The following DCAF5 variants were observed in gnomAD, a reference collection of about 807,000 sequenced individuals.
The protein encoded by DCAF5 is DDB1- and CUL4-associated factor 5.
Under a neutral mutation model 80.7 loss-of-function variants are expected in DCAF5, and 9 were observed. That is an observed-to-expected ratio of 0.11 (90% CI 0.07 to 0.19). The LOEUF (loss-of-function observed/expected upper bound fraction) is 0.19, where lower values mean the gene tolerates loss of function less well. DCAF5 is among the 10% of genes least tolerant of loss of function. DCAF5 has a pLI of 1.00. For missense variants in DCAF5, 842 were observed against 1,205.7 expected, an observed-to-expected ratio of 0.70 and a Z score of 4.47; for synonymous variants, 433 against 461.9, an observed-to-expected ratio of 0.94 and a Z score of 0.80.
intron 1 of DCAF5, chr14:69,144,001 T>G (rs2041456924): frequency 6.6e-6 from 1 of 152,296 alleles, no homozygotes; most frequent in African/African-American, 2.4e-5. Context: ...ATTTTTCCAC[T>G]AATGCATTGC....
rs1315618100 is a variant in DCAF5 at position 69,063,341 on chromosome 14, C to CT, written c.947-831dup. On this transcript the variant is annotated intron_variant, in intron 7 of 8. Transcript: ENST00000341516. ...ACTTGGGATAAATTCAAAGTTTCCA[C>CT]TGCACTGGTAATGGTATCACATCCA... is the stretch of plus-strand genomic sequence containing the variant. 2.0e-5 allele frequency among the ~76,000 whole-genome samples: 3 copies of CT among 152,336 alleles called. No individual in the cohort carries two copies. In the East Asian group the frequency reaches 5.8e-4, roughly 29 times the overall value.
intron 5 of DCAF5, among the ~76,000 whole-genome samples, chr14:69,103,272 CAAG>C (rs1283415943): frequency 6.6e-6 from 1 of 152,038 alleles, no homozygotes; most frequent in African/African-American, 2.4e-5. Context: ...ATATAAAAAC[CAAG>C]AAGAAGTTCT....
chr14:69,091,536 G>A, intron 6 of DCAF5, 138 bp downstream of exon 6: 1 of 768,638 alleles, frequency 1.3e-6, no homozygotes, highest in Non-Finnish European at 2.1e-6. Flanking sequence ...TATTAAGTCA[G>A]AACATCTCCA....
At chr14:69,068,951 T>C (rs1015164708) in intron 7 of DCAF5, among the ~76,000 whole-genome samples, 2 of 152,186 alleles carry the variant, frequency 1.3e-5, no homozygotes, top group Non-Finnish European at 2.9e-5. Flanking sequence ...ATGCTGTCAG[T>C]ACAGCTCAAA....
chr14:69,134,095 C>T (rs539871123), intron 1 of DCAF5, among the ~76,000 whole-genome samples: 38 of 152,260 alleles, frequency 2.5e-4, no homozygotes, highest in African/African-American at 8.7e-4. Flanking sequence ...CATCTTCTAA[C>T]ATCCCCATTT....
At chr14:69,094,566 G>A (rs1170590298) in intron 5 of DCAF5, among the ~76,000 whole-genome samples, 1 of 152,156 alleles carries the variant, frequency 6.6e-6, no homozygotes, top group Non-Finnish European at 1.5e-5. Flanking sequence ...ATTCCTTCCA[G>A]AGGGATGAAA....
chr14:69,153,074 G>A lies in DCAF5; in HGVS notation c.-96C>T, dbSNP rs905194891. ...CCACCCGGCCCTCCCCCCGCGCTGC[G>A]ATCCGGATGGTTCTTTAACCAGCCA... On this transcript the variant is annotated 5_prime_UTR_variant, in exon 1 of 9. Coordinates refer to ENST00000341516, the MANE Select transcript of DCAF5 (RefSeq NM_003861.3). The A allele has an allele frequency of 7.1e-6, 7 of 989,558 alleles. No homozygotes were observed. Among genetic ancestry groups the A allele is most frequent in the African/African-American group, 7.0e-5 (4 of 57,098 alleles). The allele number at this position is 989,558 out of a possible 1,614,324, so 61.3% of individuals were successfully genotyped here.
Position 69,054,900 on chromosome 14 carries a change from C to T in DCAF5, c.1786G>A (p.Glu596Lys). ...TTGATTGGGGCACTGGGCTTGTCTT[C>T]TCGGGTTGTCTTCTGTCGGCGCCGC... ...AMRRRQKTTR[E>K]DKPSAPIKPT... The change falls in exon 9 of 9, where the codon GAA becomes AAA. Residue 596 changes from glutamate (E) to lysine (K), a missense_variant. Physicochemically the swap from Glu to Lys is moderately conservative, Grantham distance 56. Transcript: ENST00000341516. 6.2e-7 allele frequency: 1 copy of T among 1,614,180 alleles called. No individual in the cohort carries two copies. Among genetic ancestry groups the T allele is most frequent in the Non-Finnish European group, 8.5e-7 (1 of 1,180,044 alleles).
intron 7 of DCAF5, among the ~76,000 whole-genome samples, chr14:69,066,679 ATCTT>A (rs1382120999): frequency 1.3e-5 from 2 of 152,198 alleles, no homozygotes; most frequent in Non-Finnish European, 2.9e-5. Flanking sequence ...TCAGATAAAG[ATCTT>A]TCTAAATGCC....
At chr14:69,069,388 G>T (rs564384364) in intron 7 of DCAF5, among the ~76,000 whole-genome samples, 1 of 152,204 alleles carries the variant, frequency 6.6e-6, no homozygotes, top group East Asian at 1.9e-4. Flanking sequence ...GCCATTCCAG[G>T]TGGGTAGCAA....
At chr14:69,149,962 A>T (rs1465229698) in intron 1 of DCAF5, among the ~76,000 whole-genome samples, 1 of 152,234 alleles carries the variant, frequency 6.6e-6, no homozygotes, top group Non-Finnish European at 1.5e-5. Flanking sequence ...AAAAAAATTC[A>T]ATTAGCTTTA....
intron 5 of DCAF5, among the ~76,000 whole-genome samples, chr14:69,092,720 A>G (rs570055827): frequency 1.7e-4 from 26 of 152,352 alleles, no homozygotes; most frequent in Non-Finnish European, 3.1e-4. Context: ...AAGAATTTTT[A>G]TATTCTATAT....
chr14:69,098,883 ACT>A (rs1254721319), intron 5 of DCAF5, among the ~76,000 whole-genome samples: 7 of 119,670 alleles, frequency 5.8e-5, no homozygotes, highest in Non-Finnish European at 1.0e-4. Context: ...ACTGAGCGAG[ACT>A]CTGTCTCCAA....
intron 6 of DCAF5, among the ~76,000 whole-genome samples, chr14:69,078,738 G>A (rs2038989260): frequency 6.6e-6 from 1 of 152,232 alleles, no homozygotes; most frequent in Non-Finnish European, 1.5e-5. Flanking sequence ...GGTTGCCAGG[G>A]CCTAGTGGCA....
chr14:69,054,480 C>G lies in DCAF5; in HGVS notation c.2206G>C (p.Glu736Gln), dbSNP rs1304590332. The change falls in exon 9 of 9, where the codon GAG becomes CAG. Residue 736 changes from glutamate (E) to glutamine (Q), a missense_variant. Physicochemically the swap from Glu to Gln is conservative, Grantham distance 29. Coordinates refer to ENST00000341516, the MANE Select transcript of DCAF5 (RefSeq NM_003861.3). ...EGCSKDTFKEETPRTPSNGPG... is the reference protein window; with the variant it reads ...EGCSKDTFKEQTPRTPSNGPG... ...CCATTGCTGGGAGTTCTAGGAGTCT[C>G]TTCTTTAAAAGTGTCCTTGCTGCAG... 7 of 1,614,006 alleles carry G rather than the reference C, an allele frequency of 4.3e-6. No homozygotes were observed. Among genetic ancestry groups the G allele is most frequent in the Non-Finnish European group, 5.9e-6 (7 of 1,180,024 alleles).
rs533514205 is a variant in DCAF5, at chr14:69,100,154, A to G, written c.666-8267T>C. The stretch of plus-strand genomic sequence containing the variant: ...GATGGATATATGGATATCAATAGGA[A>G]GATACATTAACTAGACTATAGAACT... On this transcript the variant is annotated intron_variant, in intron 5 of 8. Coordinates refer to ENST00000341516, the MANE Select transcript of DCAF5 (RefSeq NM_003861.3). Among the ~76,000 whole-genome samples, 3 of 152,358 alleles carry G rather than the reference A, an allele frequency of 2.0e-5. No individual in the cohort carries two copies. In the East Asian group the frequency reaches 5.8e-4, roughly 29 times the overall value.
chr14:69,129,897 C>A, intron 1 of DCAF5, among the ~76,000 whole-genome samples: 1 of 152,192 alleles, frequency 6.6e-6, no homozygotes, highest in East Asian at 1.9e-4. Flanking sequence ...CTGAGAACCC[C>A]AAGAAAATAC....
intron 1 of DCAF5, among the ~76,000 whole-genome samples, chr14:69,123,036 T>C (rs937072600): frequency 3.9e-5 from 6 of 152,206 alleles, no homozygotes; most frequent in Non-Finnish European, 8.8e-5. Context: ...AAAAATTTAA[T>C]TTACAACAGC....
At chr14:69,148,370 C>T (rs975241117) in intron 1 of DCAF5, among the ~76,000 whole-genome samples, 3 of 152,108 alleles carry the variant, frequency 2.0e-5, no homozygotes, top group African/African-American at 7.2e-5. Context: ...GAAGAGACTA[C>T]AATCATCAAG....
Sources: gnomAD v4.1 joint callset for allele counts (sites outside exome capture counted in the v4.1 genomes callset) on GRCh38, gnomAD v4.1.1 for gene constraint, MANE v1.5 for transcripts, NCBI Gene and HGNC (gene_info 2026-07-23, HGNC 2026-07-21) for gene names.